The following RAB43 variants were observed in gnomAD, a reference collection of about 807,000 sequenced individuals.
RAB43 encodes ras-related protein Rab-43.
Under a neutral mutation model 18.8 loss-of-function variants are expected in RAB43, and 6 were observed. The observed-to-expected ratio is 0.32, with a 90% confidence interval of 0.17 to 0.63. The LOEUF (loss-of-function observed/expected upper bound fraction) is 0.63. Among genes scored for constraint, RAB43 ranks in the 30% least tolerant of loss-of-function variants. RAB43 has a pLI of 0.79. For missense variants in RAB43, 195 were observed against 289.1 expected, an observed-to-expected ratio of 0.67 and a Z score of 2.36; for synonymous variants, 103 against 124.1, an observed-to-expected ratio of 0.83 and a Z score of 1.13.
chr3:129,111,285 T>C (rs567153548), intron 1 of RAB43, among the ~76,000 whole-genome samples: 1 of 151,864 alleles, frequency 6.6e-6, no homozygotes, highest in East Asian at 1.9e-4. Context: ...GAGGCCGAGG[T>C]GGGCAGATCG....
chr3:129,104,378 G>C (rs1186478918), intron 1 of RAB43, among the ~76,000 whole-genome samples: 1 of 152,176 alleles, frequency 6.6e-6, no homozygotes, highest in East Asian at 1.9e-4. Context: ...CTCTCACCTA[G>C]CATATCACCA....
chr3:129,120,007 G>A (rs911320496), intron 1 of RAB43, among the ~76,000 whole-genome samples: 1 of 152,102 alleles, frequency 6.6e-6, no homozygotes, highest in Non-Finnish European at 1.5e-5. Flanking sequence ...GGGTGGTCCC[G>A]AGTGACTCAA....
At chr3:129,092,692 C>T in intron 2 of RAB43, 2 of 441,352 alleles carry the variant, frequency 4.5e-6, no homozygotes, top group Non-Finnish European at 8.1e-6. Context: ...CGCGGTGGCT[C>T]ACGCCTGTAA....
At chr3:129,114,073 G>GA (rs1393647379) in intron 1 of RAB43, among the ~76,000 whole-genome samples, 1 of 152,110 alleles carries the variant, frequency 6.6e-6, no homozygotes, top group Non-Finnish European at 1.5e-5. Flanking sequence ...AACAGCATTT[G>GA]GTTAGCTTCT....
chr3:129,105,410 G>A (rs1226566936), intron 1 of RAB43, among the ~76,000 whole-genome samples: 2 of 152,096 alleles, frequency 1.3e-5, no homozygotes, highest in African/African-American at 2.4e-5. Flanking sequence ...CCGAGATCGT[G>A]CCACTGCACT....
At position 129,094,505 on chromosome 3, in the gene RAB43, C is replaced by CTTTTTT. The variant is rs200896936; in HGVS notation, c.388+475_388+480dup. ...TAATTCCAATTTTGAATATAACTTT[C>CTTTTTT]TTTTTTTTTTTTTTTTTTTTTTTTT... On this transcript the variant is annotated intron_variant, in intron 2 of 2. Transcript: ENST00000315150. 8.7e-3 allele frequency among the ~76,000 whole-genome samples: 600 copies of CTTTTTT among 69,146 alleles called. 92 individuals carry two copies. The highest frequency in any genetic ancestry group is 0.011 in the Non-Finnish European group (416 of 38,592). 45.4% of individuals were successfully genotyped at this position (69,146 alleles called of 152,430 possible). A position where few individuals can be genotyped will look rare whatever the true frequency, so the allele number is the denominator to read the frequency against.
intron 1 of RAB43, among the ~76,000 whole-genome samples, chr3:129,113,182 T>C (rs1431331023): frequency 7.5e-4 from 113 of 150,908 alleles, no homozygotes; most frequent in African/African-American, 2.2e-3. Flanking sequence ...TTTTTTTTTT[T>C]CGAGATGGAG....
chr3:129,114,355 G>T (rs1356993844), intron 1 of RAB43, among the ~76,000 whole-genome samples: 3 of 152,138 alleles, frequency 2.0e-5, no homozygotes, highest in African/African-American at 7.2e-5. Flanking sequence ...GAGGGCACAA[G>T]ACAGCAATGA....
At chr3:129,117,130 G>A (rs893448940) in intron 1 of RAB43, among the ~76,000 whole-genome samples, 1 of 152,182 alleles carries the variant, frequency 6.6e-6, no homozygotes, top group African/African-American at 2.4e-5. Flanking sequence ...AAACACGGAA[G>A]GGAGACTTTT....
chr3:129,100,145 A>G (rs1934328303), intron 1 of RAB43, among the ~76,000 whole-genome samples: 1 of 152,254 alleles, frequency 6.6e-6, no homozygotes, highest in Non-Finnish European at 1.5e-5. Context: ...TATTCCATAC[A>G]TGGGAACAAC....
intron 1 of RAB43, among the ~76,000 whole-genome samples, chr3:129,104,660 G>A (rs1446066997): frequency 2.6e-5 from 4 of 152,254 alleles, no homozygotes; most frequent in Non-Finnish European, 4.4e-5. Context: ...GGTGACAGAA[G>A]GGCTCAGTCC....
At position 129,092,411 on chromosome 3, in the gene RAB43, T is replaced by C. The variant is rs75161821; in HGVS notation, c.389-1065A>G. ...GTGACATGGTACAGATGAGAGGAGGTTGGACTTCAGTTGCTAATTGCTGAA... is the reference window on the plus strand; with the variant it reads ...GTGACATGGTACAGATGAGAGGAGGCTGGACTTCAGTTGCTAATTGCTGAA... On this transcript the variant is annotated intron_variant, in intron 2 of 2. Coordinates refer to ENST00000315150, the MANE Select transcript of RAB43 (RefSeq NM_198490.3). 20 of 623,178 alleles carry C rather than the reference T, an allele frequency of 3.2e-5. No homozygotes were observed. In the East Asian group the frequency reaches 3.3e-4, roughly 10 times the overall value. The allele number at this position is 623,178 out of a possible 1,614,324, so 38.6% of individuals were successfully genotyped here. A position where few individuals can be genotyped will look rare whatever the true frequency, so the allele number is the denominator to read the frequency against.
intron 1 of RAB43, among the ~76,000 whole-genome samples, chr3:129,103,375 C>T (rs1934555738): frequency 6.6e-6 from 1 of 152,226 alleles, no homozygotes; most frequent in Non-Finnish European, 1.5e-5. Flanking sequence ...GCTTCTGAAA[C>T]AGTGCTAGGA....
chr3:129,105,666 T>A (rs572795555), intron 1 of RAB43, among the ~76,000 whole-genome samples: 1 of 142,428 alleles, frequency 7.0e-6, no homozygotes, highest in Non-Finnish European at 1.5e-5. Flanking sequence ...TATAATCCCA[T>A]CTACTCAGGA....
At chr3:129,103,403 C>T (rs1307587154) in intron 1 of RAB43, among the ~76,000 whole-genome samples, 2 of 152,184 alleles carry the variant, frequency 1.3e-5, no homozygotes, top group African/African-American at 4.8e-5. Context: ...ACTCCTCTGC[C>T]GTCAACCCTT....
At chr3:129,091,814 C>G (rs1367810636) in intron 2 of RAB43, among the ~76,000 whole-genome samples, 1 of 151,578 alleles carries the variant, frequency 6.6e-6, no homozygotes, top group Non-Finnish European at 1.5e-5. Context: ...GCTTGTAATC[C>G]CAGCATTTGG....
intron 1 of RAB43, among the ~76,000 whole-genome samples, chr3:129,099,479 T>C (rs1934281509): frequency 6.6e-6 from 1 of 152,022 alleles, no homozygotes; most frequent in South Asian, 2.1e-4. Context: ...CTCCGCCTCC[T>C]GAGTTCAAGT....
intron 1 of RAB43, among the ~76,000 whole-genome samples, chr3:129,100,942 G>T (rs1433206730): frequency 6.6e-6 from 1 of 152,212 alleles, no homozygotes; most frequent in Non-Finnish European, 1.5e-5. Context: ...GAGTAGCTGG[G>T]ATTACAGGCG....
chr3:129,121,631 C>G lies in RAB43; in HGVS notation c.-142G>C. 4 of 599,910 alleles carry G rather than the reference C, an allele frequency of 6.7e-6. No individual in the cohort carries two copies. Among genetic ancestry groups the G allele is most frequent in the Non-Finnish European group, 1.1e-5 (4 of 379,116 alleles). The allele number at this position is 599,910 out of a possible 1,614,324, so 37.2% of individuals were successfully genotyped here. A position where few individuals can be genotyped will look rare whatever the true frequency, so the allele number is the denominator to read the frequency against. ...CGCCGCAACACCTGAACCCCCAGCA[C>G]TGCCGACCGCCTGCCTCGGCCTCGG... On this transcript the variant is annotated 5_prime_UTR_variant, in exon 1 of 3. Transcript: ENST00000315150.
Sources: gnomAD v4.1 joint callset for allele counts (sites outside exome capture counted in the v4.1 genomes callset) on GRCh38, gnomAD v4.1.1 for gene constraint, MANE v1.5 for transcripts, NCBI Gene and HGNC (gene_info 2026-07-23, HGNC 2026-07-21) for gene names.